ZNF658: variants seen among roughly 807,000 people sequenced by gnomAD.
The protein encoded by ZNF658 is zinc finger protein 658.
A neutral mutation model predicts 78.0 loss-of-function variants in ZNF658; 46 were observed. The ratio of observed to expected loss-of-function variants is 0.59; its 90% CI spans 0.47 to 0.75. ZNF658 has a LOEUF of 0.75. ZNF658 is among the 30% of genes least tolerant of loss of function. ZNF658 has a pLI of 0.00. For missense variants in ZNF658, 785 were observed against 1,189.3 expected (o/e 0.66, Z 5.00); for synonymous variants, 279 against 408.4 (o/e 0.68, Z 3.82).
At chr9:66,929,060 G>T (rs1424136215) in intron 6 of ZNF658, among the ~76,000 whole-genome samples, 1 of 152,116 alleles carries the variant, frequency 6.6e-6, no homozygotes, top group African/African-American at 2.4e-5. Context: ...ACAGAGGGGT[G>T]TGACAATCAC....
In ZNF658 at chr9:66,919,491, T is replaced by C. The variant is rs1244440499; in HGVS notation, c.1925T>C (p.Ile642Thr). The change falls in exon 5 of 5, where the codon ATT (isoleucine) becomes ACT (threonine). Residue 642 changes from isoleucine (I) to threonine (T), a missense_variant. This residue lies in a region of ZNF658 where 75 missense variants were observed against 147.1 expected (regional missense o/e 0.51). Transcript: ENST00000621410. Reference sequence around the variant, plus strand: ...GAATGTGGAAGGTCTTTTGCCCATATTTCTGTTCTCAAGGCACATCAAAGA... The same window carrying C: ...GAATGTGGAAGGTCTTTTGCCCATACTTCTGTTCTCAAGGCACATCAAAGA... Reference protein sequence around the residue: ...CNECGRSFAHISVLKAHQRIH... With the variant: ...CNECGRSFAHTSVLKAHQRIH... 1 of 1,568,826 alleles carries C rather than the reference T, an allele frequency of 6.4e-7. No individual in the cohort carries two copies. Among genetic ancestry groups the C allele is most frequent in the Non-Finnish European group, 8.6e-7 (1 of 1,160,434 alleles).
At position 66,917,719 on chromosome 9, in the gene ZNF658, CA is replaced by C. The variant is rs1362140086; in HGVS notation, c.239-82del. 3 of 1,436,492 alleles carry C rather than the reference CA, an allele frequency of 2.1e-6. No individual in the cohort carries two copies. In the African/African-American group the frequency reaches 4.7e-5, roughly 22 times the overall value. The allele number at this position is 1,436,492 out of a possible 1,614,324, so 89.0% of individuals were successfully genotyped here. On this transcript the variant is annotated intron_variant, in intron 4 of 4. Transcript: ENST00000621410. The stretch of plus-strand genomic sequence containing the variant: ...CAGAGCAATACCCTATTTCAAAAAC[CA>C]AAACCAAAATCAAAATATGAGTATA...
At chr9:66,926,299 C>A (rs1295045254), downstream of ZNF658, among the ~76,000 whole-genome samples, 2 of 140,876 alleles carry the variant, frequency 1.4e-5, no homozygotes, top group Non-Finnish European at 3.1e-5. Context: ...GAAATTGTAC[C>A]TGTTTAAACA....
Position 66,919,770 on chromosome 9 carries a change from T to C in ZNF658, c.2204T>C (p.Ile735Thr), listed in dbSNP as rs1189269470. 1.2e-6 allele frequency: 2 copies of C among 1,611,368 alleles called. No individual in the cohort carries two copies. The highest frequency in any genetic ancestry group is 4.5e-5 in the East Asian group (2 of 44,836). ...HNSALRAHQN[I>T]HTGEKLYECS... Reference sequence around the variant, plus strand: ...TCAGCCCTTAGAGCACATCAGAATATCCACACAGGGGAGAAACTCTATGAA... The same window carrying C: ...TCAGCCCTTAGAGCACATCAGAATACCCACACAGGGGAGAAACTCTATGAA... Residue 735 changes from isoleucine (I) to threonine (T), a missense_variant, in exon 5 of 5, where the codon ATC (isoleucine) becomes ACC (threonine). Physicochemically the swap from Ile to Thr is moderately conservative, Grantham distance 89. Around this residue, in one of 12 missense-constraint regions of ZNF658, gnomAD observed 75 missense variants for 147.1 expected, o/e 0.51. Transcript: ENST00000621410.
At position 66,908,707 on chromosome 9, in the gene ZNF658, G is replaced by T; in HGVS notation, c.211G>T (p.Asp71Tyr). 1.9e-6 allele frequency: 3 copies of T among 1,609,410 alleles called. No individual in the cohort carries two copies. The highest frequency in any genetic ancestry group is 4.5e-5 in the East Asian group (2 of 44,826). Residue 71 changes from aspartate (D) to tyrosine (Y), a missense_variant, in exon 4 of 5, where the codon GAT becomes TAT. Asp to Tyr is a radical substitution (Grantham distance 160). This residue lies in a region of ZNF658 where 79 missense variants were observed against 96.5 expected (regional missense o/e 0.82). Transcript: ENST00000621410. ...AGGAGAAGAGCCATGGTCTTTAGAA[G>T]ATGAATTCCTGAACCAGAGGTACCC... ...EKGEEPWSLEDEFLNQRYPGY... is the reference protein window; with the variant it reads ...EKGEEPWSLEYEFLNQRYPGY...
downstream of ZNF658, among the ~76,000 whole-genome samples, chr9:66,921,712 G>A (rs939986117): frequency 1.3e-5 from 2 of 151,692 alleles, no homozygotes; most frequent in Admixed American, 1.3e-4. Context: ...TCCTCTGGAA[G>A]CTTCGTCTCA....
intron 2 of ZNF658, among the ~76,000 whole-genome samples, chr9:66,904,014 T>G (rs1198049928): frequency 6.6e-6 from 1 of 152,032 alleles, no homozygotes; most frequent in Non-Finnish European, 1.5e-5. Context: ...TTGAACACGT[T>G]CAGTACTATT....
intron 1 of ZNF658, among the ~76,000 whole-genome samples, chr9:66,901,546 G>T (rs1332079228): frequency 1.3e-5 from 2 of 151,654 alleles, no homozygotes; most frequent in Non-Finnish European, 2.9e-5. Flanking sequence ...TCAGGCTGAG[G>T]CTCCTGAATC....
chr9:66,901,033 G>C (rs1037328821), intron 1 of ZNF658, 197 bp downstream of exon 1: 1 of 152,284 alleles, frequency 6.6e-6, no homozygotes, highest in African/African-American at 2.4e-5. Context: ...GTTGCGGGCC[G>C]GGAAGAGGAA....
In ZNF658 at chr9:66,918,300, A is replaced by T. The variant is rs375679635; in HGVS notation, c.734A>T (p.Asp245Val). The change falls in exon 5 of 5, where the codon GAT becomes GTT. Residue 245 changes from aspartate to valine, a missense_variant. Asp to Val is a radical substitution (Grantham distance 152). Transcript: ENST00000621410. ...SFLTGEKSCKDDEFRKNFDKI... is the reference protein window; with the variant it reads ...SFLTGEKSCKVDEFRKNFDKI... ...CTAACAGGAGAAAAGTCCTGTAAGGATGATGAATTTAGAAAAAACTTTGAT... is the reference window on the plus strand; with the variant it reads ...CTAACAGGAGAAAAGTCCTGTAAGGTTGATGAATTTAGAAAAAACTTTGAT... The T allele has an allele frequency of 2.5e-6, 4 of 1,613,778 alleles. No homozygotes were observed. The highest frequency in any genetic ancestry group is 3.4e-6 in the Non-Finnish European group (4 of 1,179,840).
intron 2 of ZNF658, among the ~76,000 whole-genome samples, chr9:66,907,504 T>TCCTCACC (rs1240769517): frequency 2.0e-5 from 3 of 151,994 alleles, no homozygotes; most frequent in Admixed American, 1.3e-4. Flanking sequence ...GCTTCCCCAT[T>TCCTCACC]CCTCACCCCT....
At chr9:66,931,791 C>T (rs1550079) in intron 6 of ZNF658, among the ~76,000 whole-genome samples, 95,636 of 98,234 alleles carry the variant, frequency 0.97, 46,692 homozygotes, top group Middle Eastern at 1. Flanking sequence ...TGAATAAAAA[C>T]TCACATCATG....
chr9:66,917,272 G>A (rs1209921193), intron 4 of ZNF658, among the ~76,000 whole-genome samples: 1 of 142,716 alleles, frequency 7.0e-6, no homozygotes, highest in Non-Finnish European at 1.5e-5. Flanking sequence ...GGGAAGATGT[G>A]GGAGGAAAGG....
chr9:66,913,138 G>A (rs1347731218), intron 4 of ZNF658, among the ~76,000 whole-genome samples: 3 of 150,438 alleles, frequency 2.0e-5, no homozygotes, highest in Admixed American at 2.0e-4. Context: ...TAATGTAGAA[G>A]CCTCAGCTAG....
intron 4 of ZNF658, among the ~76,000 whole-genome samples, chr9:66,911,325 TA>T (rs1320837134): frequency 1.3e-5 from 1 of 78,792 alleles, no homozygotes; most frequent in Non-Finnish European, 2.5e-5. Flanking sequence ...AAATTAATAA[TA>T]AAATGAAAAA....
chr9:66,913,009 C>A (rs1244957128), intron 4 of ZNF658, among the ~76,000 whole-genome samples: 1 of 151,270 alleles, frequency 6.6e-6, no homozygotes, highest in Non-Finnish European at 1.5e-5. Flanking sequence ...GATCACACTA[C>A]TGAAGGGTGG....
chr9:66,915,053 G>GCACACA (rs10608839), intron 4 of ZNF658, among the ~76,000 whole-genome samples: 141 of 144,124 alleles, frequency 9.8e-4, no homozygotes, highest in Middle Eastern at 6.9e-3. Flanking sequence ...CTTTGGAATT[G>GCACACA]CACACACACA....
intron 4 of ZNF658, among the ~76,000 whole-genome samples, chr9:66,908,996 A>C (rs1184443402): frequency 6.6e-6 from 1 of 152,240 alleles, no homozygotes; most frequent in Non-Finnish European, 1.5e-5. Flanking sequence ...ACAACTATGT[A>C]CATGGCATTT....
downstream of ZNF658, among the ~76,000 whole-genome samples, chr9:66,923,197 C>A (rs528806349): frequency 1.3e-4 from 19 of 150,246 alleles, no homozygotes; most frequent in African/African-American, 4.6e-4. Context: ...GTCCAAAAGT[C>A]CAAAAGCCGA....
Sources: allele counts gnomAD v4.1 joint callset (sites outside exome capture counted in the v4.1 genomes callset), GRCh38; gene constraint gnomAD v4.1.1; regional missense constraint gnomAD v4.1.1; transcripts MANE v1.5; gene names NCBI Gene and HGNC (gene_info 2026-07-23, HGNC 2026-07-21).